Variants in SDK1 observed in about 807,000 individuals in gnomAD.
SDK1 encodes the protein protein sidekick-1.
Under a neutral mutation model 245.5 loss-of-function variants are expected in SDK1, and 157 were observed. That is an observed-to-expected ratio of 0.64 (90% confidence interval 0.56 to 0.73). The LOEUF (loss-of-function observed/expected upper bound fraction) is 0.73, where lower values mean the gene tolerates loss of function less well. SDK1 is among the 30% of genes least tolerant of loss of function. The pLI, the probability that SDK1 is intolerant of heterozygous loss-of-function variation, is 0.00. For synonymous variants in SDK1, 1,647 were observed against 1,278.5 expected, an observed-to-expected ratio of 1.29 and a Z score of -6.15; for missense variants, 3,583 against 3,002.3, an observed-to-expected ratio of 1.19 and a Z score of -4.52.
intron 4 of SDK1, among the ~76,000 whole-genome samples, chr7:3,769,383 G>A (rs998202525): frequency 6.6e-6 from 1 of 152,054 alleles, no homozygotes; most frequent in African/African-American, 2.4e-5. Context: ...ACTGAGCCTG[G>A]AACCTCAGGT....
At chr7:3,911,693 C>G (rs781118541) in intron 5 of SDK1, among the ~76,000 whole-genome samples, 6 of 152,102 alleles carry the variant, frequency 3.9e-5, no homozygotes, top group Non-Finnish European at 8.8e-5. Flanking sequence ...CCCAGGCCAG[C>G]CATCTCTTTA....
At chr7:3,911,967 G>C (rs1413220430) in intron 5 of SDK1, among the ~76,000 whole-genome samples, 2 of 152,166 alleles carry the variant, frequency 1.3e-5, no homozygotes, top group Non-Finnish European at 2.9e-5. Flanking sequence ...GAGATGAGGT[G>C]GGGGAGGGCA....
chr7:3,541,366 G>T (rs928077167), intron 1 of SDK1, among the ~76,000 whole-genome samples: 1 of 152,146 alleles, frequency 6.6e-6, no homozygotes, highest in Non-Finnish European at 1.5e-5. Flanking sequence ...TGCAGAGGAG[G>T]GCGTAATCTA....
At chr7:3,965,221 C>G (rs1481991515) in intron 9 of SDK1, among the ~76,000 whole-genome samples, 1 of 152,034 alleles carries the variant, frequency 6.6e-6, no homozygotes, top group Non-Finnish European at 1.5e-5. Context: ...AATTTGGCCC[C>G]CAGGTTGTAG....
rs538954456 is a variant in SDK1, at chr7:3,823,129, T to C, written c.847+1546T>C. On this transcript the variant is annotated intron_variant, in intron 5 of 44. Transcript: ENST00000404826. ...GGGGTTCACAAAACCCAGTGCATGC[T>C]GTACTGTGACGTAAAGGAGTGTCTG... Among the ~76,000 whole-genome samples, 5 of 152,348 alleles carry C rather than the reference T, an allele frequency of 3.3e-5. No homozygotes were observed. In the South Asian group the frequency reaches 1.0e-3, roughly 32 times the overall value.
intron 1 of SDK1, among the ~76,000 whole-genome samples, chr7:3,341,965 T>G (rs1780360070): frequency 6.6e-6 from 1 of 152,140 alleles, no homozygotes; most frequent in Non-Finnish European, 1.5e-5. Flanking sequence ...GGCCCCAGAA[T>G]AACTAAAACG....
intron 1 of SDK1, among the ~76,000 whole-genome samples, chr7:3,452,701 G>T (rs748107976): frequency 6.6e-6 from 1 of 152,098 alleles, no homozygotes; most frequent in Non-Finnish European, 1.5e-5. Flanking sequence ...TAGAATTCAA[G>T]GAAATATACA....
At chr7:3,725,421 C>G (rs1030595308) in intron 4 of SDK1, among the ~76,000 whole-genome samples, 1 of 152,148 alleles carries the variant, frequency 6.6e-6, no homozygotes, top group Non-Finnish European at 1.5e-5. Flanking sequence ...GCCTTGCAAT[C>G]AGAACATTGT....
At chr7:4,033,150 G>A (rs1171074082) in intron 17 of SDK1, among the ~76,000 whole-genome samples, 1 of 152,062 alleles carries the variant, frequency 6.6e-6, no homozygotes, top group Non-Finnish European at 1.5e-5. Context: ...GCCCAGAAAT[G>A]GACCCCATTC....
At chr7:4,211,329 C>T (rs78140121) in intron 38 of SDK1, among the ~76,000 whole-genome samples, 53 of 152,080 alleles carry the variant, frequency 3.5e-4, no homozygotes, top group Non-Finnish European at 6.0e-4. Flanking sequence ...GCAGATGGCT[C>T]GGAGGAGAAC....
chr7:3,905,240 C>T (rs1436222621), intron 5 of SDK1, among the ~76,000 whole-genome samples: 1 of 151,830 alleles, frequency 6.6e-6, no homozygotes, highest in Non-Finnish European at 1.5e-5. Flanking sequence ...TTCTGTCAGT[C>T]TCCTATATGG....
chr7:3,557,726 A>G (rs971037253), intron 1 of SDK1, among the ~76,000 whole-genome samples: 1 of 152,084 alleles, frequency 6.6e-6, no homozygotes, highest in African/African-American at 2.4e-5. Context: ...ACATCCTATA[A>G]CTTGCATGTG....
chr7:4,030,314 A>T (rs908015028), intron 17 of SDK1, among the ~76,000 whole-genome samples: 7 of 152,274 alleles, frequency 4.6e-5, no homozygotes, highest in African/African-American at 9.6e-5. Context: ...GTACGAAAAC[A>T]GCTTACGCAG....
chr7:3,534,986 T>C (rs1304418238), intron 1 of SDK1, among the ~76,000 whole-genome samples: 1 of 152,134 alleles, frequency 6.6e-6, no homozygotes, highest in Non-Finnish European at 1.5e-5. Context: ...CCCCGTGGGC[T>C]GTGTAAATGT....
chr7:3,486,642 T>A (rs1385205704), intron 1 of SDK1, among the ~76,000 whole-genome samples: 1 of 152,060 alleles, frequency 6.6e-6, no homozygotes, highest in Non-Finnish European at 1.5e-5. Context: ...TTTCTTCAGT[T>A]TTTTTTTCTT....
intron 38 of SDK1, among the ~76,000 whole-genome samples, chr7:4,217,604 C>T (rs988655801): frequency 1.0e-3 from 151 of 150,640 alleles, no homozygotes; most frequent in African/African-American, 3.2e-3. Context: ...ACCAGGCCAC[C>T]CGGAGAACCA....
intron 1 of SDK1, among the ~76,000 whole-genome samples, chr7:3,532,259 A>T (rs1562544179): frequency 6.6e-6 from 1 of 152,142 alleles, no homozygotes; most frequent in African/African-American, 2.4e-5. Flanking sequence ...GTTGTTAGGA[A>T]TTGTTGTTTC....
chr7:4,148,447 C>G (rs1211061920), intron 29 of SDK1, among the ~76,000 whole-genome samples: 1 of 152,232 alleles, frequency 6.6e-6, no homozygotes, highest in African/African-American at 2.4e-5. Context: ...CGTCCCGCAT[C>G]CAAGCTACTG....
chr7:3,777,314 T>C (rs1780596430), intron 4 of SDK1, among the ~76,000 whole-genome samples: 1 of 152,240 alleles, frequency 6.6e-6, no homozygotes, highest in South Asian at 2.1e-4. Context: ...TCCTGTTTAA[T>C]AGATATTCCT....
Sources: allele counts gnomAD v4.1 joint callset (sites outside exome capture counted in the v4.1 genomes callset), GRCh38; gene constraint gnomAD v4.1.1; transcripts MANE v1.5; gene names NCBI Gene and HGNC (gene_info 2026-07-23, HGNC 2026-07-21).